Variants in LCT observed in about 807,000 individuals in gnomAD.
LCT encodes lactase/phlorizin hydrolase.
Under a neutral mutation model 173.0 loss-of-function variants are expected in LCT, and 90 were observed. The ratio of observed to expected loss-of-function variants is 0.52; its 90% CI spans 0.44 to 0.62. The LOEUF (loss-of-function observed/expected upper bound fraction) is 0.62. Ranked by LOEUF, LCT falls within the 20% of genes least tolerant of loss-of-function variation. The pLI, the probability that LCT is intolerant of heterozygous loss-of-function variation, is 0.00. For missense variants in LCT, 1,864 were observed against 2,431.4 expected, an observed-to-expected ratio of 0.77 and a Z score of 4.91; for synonymous variants, 853 against 957.6, an observed-to-expected ratio of 0.89 and a Z score of 2.02.
chr2:135,789,514 G>C, intron 16 of LCT, 57 bp downstream of exon 16: 1 of 1,204,524 alleles, frequency 8.3e-7, no homozygotes, highest in Non-Finnish European at 1.2e-6. Context: ...ACTGAGAGAG[G>C]CCCTTCCACC....
At chr2:135,820,752 G>A (rs2077820889) in intron 5 of LCT, 1 of 152,182 alleles carries the variant, frequency 6.6e-6, no homozygotes, top group African/African-American at 2.4e-5. Context: ...ATCCCTCCAG[G>A]AGCGCTGAGG....
rs577473836 is a variant in LCT, at chr2:135,823,926, G to T, written c.882C>A (p.Ala294=). The part of the protein sequence containing the change: ...PDCPSTMKNP[A]SLLFSLFEAI... ...CTTCAAAAAGGCTGAAGAGCAGACT[G>T]GCTGGGTTCTTCATGGTGGAGGGGC... The change falls in exon 4 of 17, where the codon GCC becomes GCA. Residue 294 remains alanine, a synonymous_variant. Coordinates refer to ENST00000264162, the MANE Select transcript of LCT (RefSeq NM_002299.4). 1 of 1,613,350 alleles carries T rather than the reference G, an allele frequency of 6.2e-7. No individual in the cohort carries two copies. The highest frequency in any genetic ancestry group is 1.3e-5 in the African/African-American group (1 of 74,992).
chr2:135,836,711 G>T lies in LCT; in HGVS notation c.459C>A (p.Asp153Glu). The T allele has an allele frequency of 6.2e-7, 1 of 1,614,200 alleles. No homozygotes were observed. Reference sequence around the variant, plus strand: ...AGGAGTGGAAGGCGAATGTGGCATAGTCGGCGAAGAGGTCAGCAAAGGCTT... The same window carrying T: ...AGGAGTGGAAGGCGAATGTGGCATATTCGGCGAAGAGGTCAGCAAAGGCTT... The part of the protein sequence containing the change: ...RTEAFADLFA[D>E]YATFAFHSFG... The change falls in exon 1 of 17, where the codon GAC becomes GAA. Residue 153 changes from aspartate (D) to glutamate (E), a missense_variant. Coordinates refer to ENST00000264162, the MANE Select transcript of LCT (RefSeq NM_002299.4).
intron 3 of LCT, among the ~76,000 whole-genome samples, chr2:135,824,677 T>C (rs538950324): frequency 2.8e-4 from 42 of 152,340 alleles, no homozygotes; most frequent in African/African-American, 1.0e-3. Context: ...TTCTTTTTAC[T>C]TTTGGATGTT....
chr2:135,818,086 G>T, intron 5 of LCT, 25 bp from the exon 6 acceptor site: 1 of 1,612,754 alleles, frequency 6.2e-7, no homozygotes, highest in South Asian at 1.1e-5. Context: ...GGACAAAAAG[G>T]GACATAATAA....
In LCT at chr2:135,790,365, T is replaced by C. The variant is rs772319143; in HGVS notation, c.5335+293A>G. On this transcript the variant is annotated intron_variant, in intron 15 of 16. Transcript: ENST00000264162. This position sits in a 1 kb window ranked among gnomAD's most constrained non-coding sequence, Gnocchi z 4.1. ...TCCTCCTGGGCCCTACCCAGACCAT[T>C]CTCAGGAGGGCACTGCTGTTCCGAC... Among the ~76,000 whole-genome samples, 55 of 152,044 alleles carry C rather than the reference T, an allele frequency of 3.6e-4. No homozygotes were observed. The highest frequency in any genetic ancestry group is 6.5e-4 in the Non-Finnish European group (44 of 67,996).
At chr2:135,826,479 T>C (rs1006458843) in intron 3 of LCT, among the ~76,000 whole-genome samples, 2 of 149,522 alleles carry the variant, frequency 1.3e-5, no homozygotes, top group Non-Finnish European at 3.0e-5. Flanking sequence ...GGCAGGAGAA[T>C]CGCTTGAACC....
chr2:135,831,290 G>T (rs981240279), intron 2 of LCT, among the ~76,000 whole-genome samples: 1 of 152,166 alleles, frequency 6.6e-6, no homozygotes, highest in African/African-American at 2.4e-5. Flanking sequence ...TTTGAGGAAG[G>T]CAGGAAGACA....
At position 135,789,719 on chromosome 2, in the gene LCT, T is replaced by C. The variant is rs2105516364; in HGVS notation, c.5415A>G (p.Ser1805=). 2 of 1,614,208 alleles carry C rather than the reference T, an allele frequency of 1.2e-6. No individual in the cohort carries two copies. Among genetic ancestry groups the C allele is most frequent in the Non-Finnish European group, 8.5e-7 (1 of 1,180,000 alleles). The change falls in exon 16 of 17, where the codon TCA becomes TCG. Residue 1805 remains serine (S), a synonymous_variant. Transcript: ENST00000264162. Reference sequence around the variant, plus strand: ...TCACAAAATGCAGACCAAATCTCTCTGAAAAGCCTGTGGCCCACTCAAAAT... The same window carrying C: ...TCACAAAATGCAGACCAAATCTCTCCGAAAAGCCTGTGGCCCACTCAAAAT... ...MDNFEWATGF[S]ERFGLHFVNY...
intron 11 of LCT, among the ~76,000 whole-genome samples, chr2:135,802,741 G>A (rs1351285263): frequency 6.6e-6 from 1 of 152,136 alleles, no homozygotes; most frequent in Non-Finnish European, 1.5e-5. Context: ...GGGAGAGGTT[G>A]GTTAACGGAT....
At chr2:135,826,776 C>T (rs900669881) in intron 3 of LCT, among the ~76,000 whole-genome samples, 1 of 152,124 alleles carries the variant, frequency 6.6e-6, no homozygotes, top group African/African-American at 2.4e-5. Flanking sequence ...CTTTAGTCAT[C>T]ACAGGCACAA....
intron 7 of LCT, 52 bp from the exon 8 acceptor site, chr2:135,810,045 G>A: frequency 7.7e-7 from 1 of 1,303,460 alleles, no homozygotes; most frequent in African/African-American, 1.5e-5. Context: ...TTATTTAATT[G>A]AGATGGGGTC....
At position 135,788,553 on chromosome 2, in the gene LCT, G is replaced by A. The variant is rs1474553980; in HGVS notation, c.5564-9C>T. On this transcript the variant is annotated splice_polypyrimidine_tract_variant and intron_variant, in intron 16 of 16. Coordinates refer to ENST00000264162, the MANE Select transcript of LCT (RefSeq NM_002299.4). ...GATGGTGGGTCCAGCATCTAGGAGAGTGTGACACAGGGTGGTTGGTGCTCT... is the reference window on the plus strand; with the variant it reads ...GATGGTGGGTCCAGCATCTAGGAGAATGTGACACAGGGTGGTTGGTGCTCT... The A allele has an allele frequency of 6.4e-7, 1 of 1,552,698 alleles. No homozygotes were observed. Among genetic ancestry groups the A allele is most frequent in the South Asian group, 1.1e-5 (1 of 90,174 alleles).
chr2:135,809,963 G>A lies in LCT; in HGVS notation c.2384C>T (p.Ser795Phe). Residue 795 changes from serine (S) to phenylalanine (F), a missense_variant, in exon 8 of 17, where the codon TCC (serine) becomes TTC (phenylalanine). By Grantham distance (155) the Ser-to-Phe change is radical. Coordinates refer to ENST00000264162, the MANE Select transcript of LCT (RefSeq NM_002299.4). This position sits in a 1 kb window ranked among gnomAD's most constrained non-coding sequence, Gnocchi z 5.5. Reference protein sequence around the residue: ...AIKEDSVDVRSYIARSLIDGF... With the variant: ...AIKEDSVDVRFYIARSLIDGF... Reference sequence around the variant, plus strand: ...ATCAATGAGGGAACGAGCAATGTAGGAACGAACATCCACAGAGTCTTCCTT... The same window carrying A: ...ATCAATGAGGGAACGAGCAATGTAGAAACGAACATCCACAGAGTCTTCCTT... 1.9e-6 allele frequency: 3 copies of A among 1,613,496 alleles called. No homozygotes were observed. Among genetic ancestry groups the A allele is most frequent in the Non-Finnish European group, 2.5e-6 (3 of 1,179,474 alleles).
Position 135,817,977 on chromosome 2 carries a change from A to C in LCT, c.1071T>G (p.Ser357=). ...ATGCTTCCCAGATTCTCTGATAGGC[A>C]GAGGCAGGAGAGGAGTCCGTGGTCT... ...DHETTDSSPA[S]AYQRIWEAFA... The change falls in exon 6 of 17, where the codon TCT becomes TCG. Residue 357 remains serine, a synonymous_variant. Transcript: ENST00000264162. The C allele has an allele frequency of 6.2e-7, 1 of 1,613,690 alleles. No individual in the cohort carries two copies. Among genetic ancestry groups the C allele is most frequent in the Non-Finnish European group, 8.5e-7 (1 of 1,179,984 alleles).
chr2:135,807,472 A>T, intron 8 of LCT, 76 bp from the exon 9 acceptor site: 1 of 1,367,242 alleles, frequency 7.3e-7, no homozygotes, highest in Non-Finnish European at 1.0e-6. Flanking sequence ...ACCCACTGCC[A>T]GCTCCTCAAT....
chr2:135,809,770 A>G lies in LCT; in HGVS notation c.2577T>C (p.Asn859=), dbSNP rs1558738393. Residue 859 remains asparagine (N), a synonymous_variant, in exon 8 of 17, where the codon AAT becomes AAC. Coordinates refer to ENST00000264162, the MANE Select transcript of LCT (RefSeq NM_002299.4). This position sits in a 1 kb window ranked among gnomAD's most constrained non-coding sequence, Gnocchi z 5.5. ...TKGAKRLLPP[N]TVNLPSKVRA... is the part of the protein sequence containing the mutation. Reference sequence around the variant, plus strand: ...TGACTTTGGAGGGGAGGTTTACTGTATTAGGTGGTAGCAGTCTTTTTGCCC... The same window carrying G: ...TGACTTTGGAGGGGAGGTTTACTGTGTTAGGTGGTAGCAGTCTTTTTGCCC... 6 of 1,614,140 alleles carry G rather than the reference A, an allele frequency of 3.7e-6. No individual in the cohort carries two copies. The highest frequency in any genetic ancestry group is 1.1e-5 in the South Asian group (1 of 91,092).
At position 135,790,743 on chromosome 2, in the gene LCT, A is replaced by G. The variant is rs776470296; in HGVS notation, c.5250T>C (p.Asn1750=). The G allele has an allele frequency of 1.9e-6, 3 of 1,613,824 alleles. No homozygotes were observed. In the Admixed American group the frequency reaches 5.0e-5, roughly 27 times the overall value. ...YNDPPIYVTE[N]GVSQREETDL... is the part of the protein sequence containing the mutation. ...CTGTTTCTTCCCGCTGGGACACTCCATTCTCTGTGACATAAATTGGAGGGT... is the reference window on the plus strand; with the variant it reads ...CTGTTTCTTCCCGCTGGGACACTCCGTTCTCTGTGACATAAATTGGAGGGT... Residue 1750 remains asparagine, a synonymous_variant, in exon 15 of 17, where the codon AAT becomes AAC. Transcript: ENST00000264162. The surrounding 1 kb of genome is among the most constrained non-coding windows in gnomAD (Gnocchi z 4.1).
At position 135,829,592 on chromosome 2, in the gene LCT, C is replaced by T; in HGVS notation, c.804+1G>A. 6.2e-7 allele frequency: 1 copy of T among 1,609,964 alleles called. No individual in the cohort carries two copies. The highest frequency in any genetic ancestry group is 8.5e-7 in the Non-Finnish European group (1 of 1,176,284). ...TTAATGTGGAAAAGGGCTCAAATTA[C>T]CTGCAATTTACTCAGCTTCTGCCGC... On this transcript the variant is annotated splice_donor_variant, in intron 3 of 16. Coordinates refer to ENST00000264162, the MANE Select transcript of LCT (RefSeq NM_002299.4). LOFTEE classifies it high-confidence loss of function.
Sources: allele counts gnomAD v4.1 joint callset (sites outside exome capture counted in the v4.1 genomes callset), GRCh38; gene constraint gnomAD v4.1.1; non-coding constraint Gnocchi (gnomAD v3.1); transcripts MANE v1.5; gene names NCBI Gene and HGNC (gene_info 2026-07-23, HGNC 2026-07-21).